TBC1D5: variants seen among roughly 807,000 people sequenced by gnomAD.
The protein encoded by TBC1D5 is TBC1 domain family member 5.
Under a neutral mutation model 100.3 loss-of-function variants are expected in TBC1D5, and 75 were observed. The ratio of observed to expected loss-of-function variants is 0.75; its 90% CI spans 0.62 to 0.91. The LOEUF is 0.91. Among genes scored for constraint, TBC1D5 ranks in the 40% least tolerant of loss-of-function variants. TBC1D5 has a pLI of 0.00. For synonymous variants in TBC1D5, 323 were observed against 325.6 expected (o/e 0.99, Z 0.09); for missense variants, 910 against 942.4 (o/e 0.97, Z 0.45).
intron 2 of TBC1D5, among the ~76,000 whole-genome samples, chr3:17,536,394 C>A (rs1261280092): frequency 6.6e-6 from 1 of 152,116 alleles, no homozygotes; most frequent in South Asian, 2.1e-4. Flanking sequence ...TGGTAAAATA[C>A]ACATATTTAC....
intron 19 of TBC1D5, among the ~76,000 whole-genome samples, chr3:17,174,184 T>C (rs1218517509): frequency 2.0e-5 from 3 of 152,164 alleles, no homozygotes; most frequent in Admixed American, 1.3e-4. Context: ...AGTTGTTGGG[T>C]CCCTCTTGCT....
intron 18 of TBC1D5, among the ~76,000 whole-genome samples, chr3:17,189,111 C>T (rs1047445258): frequency 2.0e-5 from 3 of 152,184 alleles, no homozygotes; most frequent in East Asian, 1.9e-4. Flanking sequence ...CTGGCAGGAT[C>T]GGGGGAGAAC....
chr3:17,461,335 T>C (rs1052809182), intron 3 of TBC1D5, among the ~76,000 whole-genome samples: 10 of 152,212 alleles, frequency 6.6e-5, no homozygotes, highest in Non-Finnish European at 1.2e-4. Flanking sequence ...TTTGTTAATG[T>C]GTTCTTATGT....
At chr3:17,720,019 A>C (rs2075563491) in intron 1 of TBC1D5, among the ~76,000 whole-genome samples, 1 of 152,226 alleles carries the variant, frequency 6.6e-6, no homozygotes, top group South Asian at 2.1e-4. Context: ...CTAAAACTAC[A>C]CAAAAATTTG....
intron 1 of TBC1D5, among the ~76,000 whole-genome samples, chr3:17,662,439 C>A (rs1181896383): frequency 6.6e-6 from 1 of 152,186 alleles, no homozygotes; most frequent in Non-Finnish European, 1.5e-5. Flanking sequence ...AAAGTATAGT[C>A]TGATTTCACT....
intron 3 of TBC1D5, among the ~76,000 whole-genome samples, chr3:17,487,796 A>G (rs545678574): frequency 3.3e-4 from 51 of 152,266 alleles, no homozygotes; most frequent in African/African-American, 1.2e-3. Flanking sequence ...GAATCCTGGG[A>G]TCTTGGATTC....
rs2092635084 is a variant in TBC1D5, at chr3:17,374,797, C to CT, written c.702-119dup. On this transcript the variant is annotated intron_variant, in intron 10 of 21. Transcript: ENST00000253692. ...TAATATGCAAACGAAAAAAATTAGT[C>CT]TTTTTTAATGAAAAGAGCAATGCCA... 7.1e-6 allele frequency: 7 copies of CT among 979,882 alleles called. No individual in the cohort carries two copies. In the African/African-American group the frequency reaches 8.3e-5, roughly 12 times the overall value. 60.7% of individuals were successfully genotyped at this position (979,882 alleles called of 1,614,324 possible). A position where few individuals can be genotyped will look rare whatever the true frequency, so the allele number is the denominator to read the frequency against.
At chr3:17,705,056 C>A (rs2073866083) in intron 1 of TBC1D5, among the ~76,000 whole-genome samples, 4 of 132,626 alleles carry the variant, frequency 3.0e-5, no homozygotes, top group Admixed American at 7.6e-5. Context: ...GGGGGCTGAC[C>A]CCCCCACCTC....
intron 1 of TBC1D5, among the ~76,000 whole-genome samples, chr3:17,697,532 A>C (rs9816920): frequency 0.58 from 88,789 of 151,968 alleles, 26,644 homozygotes; most frequent in East Asian, 0.99. Flanking sequence ...AAAATGCCTA[A>C]GAATCCAACT....
intron 18 of TBC1D5, among the ~76,000 whole-genome samples, chr3:17,207,568 C>T (rs1377511054): frequency 6.6e-6 from 1 of 152,088 alleles, no homozygotes; most frequent in Non-Finnish European, 1.5e-5. Context: ...CTGAATCTTG[C>T]CCTCTTTCAT....
intron 1 of TBC1D5, among the ~76,000 whole-genome samples, chr3:17,708,667 C>G (rs1329067063): frequency 6.6e-6 from 1 of 152,224 alleles, no homozygotes; most frequent in Non-Finnish European, 1.5e-5. Flanking sequence ...AAAACCGCCC[C>G]TATTCAGAAC....
At chr3:17,741,009 A>C (rs1445342818), upstream of TBC1D5, 1 of 152,094 alleles carries the variant, frequency 6.6e-6, no homozygotes, top group African/African-American at 2.4e-5. Flanking sequence ...TCATCCTGCC[A>C]TTTGCCCCTT....
intron 3 of TBC1D5, among the ~76,000 whole-genome samples, chr3:17,446,834 G>C (rs2094808821): frequency 6.6e-6 from 1 of 152,128 alleles, no homozygotes; most frequent in South Asian, 2.1e-4. Context: ...TAGCCAGGTT[G>C]GTGGCAGGCG....
chr3:17,261,387 C>T (rs923805343), intron 15 of TBC1D5, among the ~76,000 whole-genome samples: 2 of 148,204 alleles, frequency 1.3e-5, no homozygotes, highest in African/African-American at 5.0e-5. Context: ...CAATGGTTTT[C>T]CTAGGGGGAC....
intron 16 of TBC1D5, 103 bp downstream of exon 16, chr3:17,258,403 T>C (rs1391134714): frequency 5.5e-6 from 6 of 1,098,874 alleles, no homozygotes; most frequent in East Asian, 2.4e-5. Context: ...TATGTACATA[T>C]GCTAAAATCT....
chr3:17,551,281 A>G (rs2096471004), intron 2 of TBC1D5, among the ~76,000 whole-genome samples: 1 of 152,186 alleles, frequency 6.6e-6, no homozygotes, highest in African/African-American at 2.4e-5. Flanking sequence ...TCTTTTTAAT[A>G]AACAATAAAA....
At chr3:17,657,465 T>C (rs999524695) in intron 1 of TBC1D5, among the ~76,000 whole-genome samples, 1 of 151,304 alleles carries the variant, frequency 6.6e-6, no homozygotes, top group African/African-American at 2.4e-5. Context: ...GTCTCCCGAG[T>C]AGCTGGGACT....
intron 18 of TBC1D5, among the ~76,000 whole-genome samples, chr3:17,207,475 T>A (rs1425553458): frequency 2.6e-5 from 4 of 152,206 alleles, no homozygotes; most frequent in African/African-American, 9.7e-5. Flanking sequence ...TCTACTAGTT[T>A]TCACATTTCA....
upstream of TBC1D5, among the ~76,000 whole-genome samples, chr3:17,742,196 A>G (rs2077518401): frequency 6.6e-6 from 1 of 152,080 alleles, no homozygotes; most frequent in Non-Finnish European, 1.5e-5. Context: ...AGGGAGCTGA[A>G]GGGTCCACCC....
Sources: allele counts gnomAD v4.1 joint callset (sites outside exome capture counted in the v4.1 genomes callset), GRCh38; gene constraint gnomAD v4.1.1; transcripts MANE v1.5; gene names NCBI Gene and HGNC (gene_info 2026-07-23, HGNC 2026-07-21).